EME1: variants seen among roughly 807,000 people sequenced by gnomAD.
The protein encoded by EME1 is structure-specific endonuclease subunit EME1.
Under a neutral mutation model 59.1 loss-of-function variants are expected in EME1, and 61 were observed. The observed-to-expected ratio is 1.03, with a 90% confidence interval of 0.84 to 1.28. EME1 has a LOEUF of 1.28. Ranked by LOEUF, EME1 falls within the 50% of genes most tolerant of loss-of-function variation. The pLI, the probability that EME1 is intolerant of heterozygous loss-of-function variation, is 0.00. For synonymous variants in EME1, 230 were observed against 254.2 expected (o/e 0.90, Z 0.90); for missense variants, 635 against 682.6 (o/e 0.93, Z 0.78).
In EME1 at chr17:50,375,909, C is replaced by T; in HGVS notation, c.701C>T (p.Ala234Val). The T allele has an allele frequency of 1.2e-6, 2 of 1,613,198 alleles. No individual in the cohort carries two copies. Among genetic ancestry groups the T allele is most frequent in the Non-Finnish European group, 1.7e-6 (2 of 1,179,652 alleles). Residue 234 changes from alanine to valine, a missense_variant, in exon 2 of 9, where the codon GCA becomes GTA. By Grantham distance (64) the Ala-to-Val change is moderately conservative. Coordinates refer to ENST00000338165, the MANE Select transcript of EME1 (RefSeq NM_152463.4). ...CTGAGAAGACAGGAAAGAAAGAATG[C>T]AGCACTGGTTACCAGGATGAAAGCC... The part of the protein sequence containing the change: ...STLRRQERKN[A>V]ALVTRMKAQR...
In EME1 at chr17:50,381,315, C is replaced by T. The variant is rs999499773; in HGVS notation, c.*376C>T. The T allele has an allele frequency of 1.4e-4, 30 of 217,012 alleles. No homozygotes were observed. The highest frequency in any genetic ancestry group is 5.2e-4 in the Admixed American group (10 of 19,366). 13.4% of individuals were successfully genotyped at this position (217,012 alleles called of 1,614,324 possible). Reference sequence around the variant, plus strand: ...AATCTTGAAGTCGTGAGTGAAGCTGCGGGTTGGCTTGACTGGGCTCAGCCA... The same window carrying T: ...AATCTTGAAGTCGTGAGTGAAGCTGTGGGTTGGCTTGACTGGGCTCAGCCA... On this transcript the variant is annotated 3_prime_UTR_variant, in exon 9 of 9. Coordinates refer to ENST00000338165, the MANE Select transcript of EME1 (RefSeq NM_152463.4).
At position 50,381,077 on chromosome 17, in the gene EME1, A is replaced by G; in HGVS notation, c.*138A>G. 2 of 918,038 alleles carry G rather than the reference A, an allele frequency of 2.2e-6. No individual in the cohort carries two copies. Among genetic ancestry groups the G allele is most frequent in the Non-Finnish European group, 3.2e-6 (2 of 619,230 alleles). 56.9% of individuals were successfully genotyped at this position (918,038 alleles called of 1,614,324 possible). A position where few individuals can be genotyped will look rare whatever the true frequency, so the allele number is the denominator to read the frequency against. Reference sequence around the variant, plus strand: ...GGCCCAGTCTTTCTTGGGTCTTATTATTTGTGAAGGTCTCTCTGCCTGTCG... The same window carrying G: ...GGCCCAGTCTTTCTTGGGTCTTATTGTTTGTGAAGGTCTCTCTGCCTGTCG... On this transcript the variant is annotated 3_prime_UTR_variant, in exon 9 of 9. Transcript: ENST00000338165.
rs757313570 is a variant in EME1 at position 50,380,472 on chromosome 17, G to A, written c.1507G>A (p.Ala503Thr). The change falls in exon 8 of 9, where the codon GCC (alanine) becomes ACC (threonine). Residue 503 changes from alanine to threonine, a missense_variant. Coordinates refer to ENST00000338165, the MANE Select transcript of EME1 (RefSeq NM_152463.4). ...SLEMASAVVNAYPSPQLLVQA... is the reference protein window; with the variant it reads ...SLEMASAVVNTYPSPQLLVQA... ...GGAAATGGCCAGTGCAGTTGTGAAT[G>A]CCTATCCCTCCCCACAGCTCCTGGT... 3 of 1,614,042 alleles carry A rather than the reference G, an allele frequency of 1.9e-6. No individual in the cohort carries two copies. Among genetic ancestry groups the A allele is most frequent in the Admixed American group, 1.7e-5 (1 of 60,020 alleles).
rs757118059 is a variant in EME1, at chr17:50,376,186, C to T, written c.896C>T (p.Pro299Leu). Reference protein sequence around the residue: ...CSVTWRRRAGPSEDREDWVEE... With the variant: ...CSVTWRRRAGLSEDREDWVEE... ...GTCACTTGGAGGAGAAGGGCTGGGC[C>T]GTCTGAGGTAGGAGTTTTCTGGCTG... The change falls in exon 3 of 9, where the codon CCG becomes CTG. Residue 299 changes from proline (P) to leucine (L), a missense_variant. Pro to Leu is a moderately conservative substitution (Grantham distance 98, BLOSUM62 -3). Coordinates refer to ENST00000338165, the MANE Select transcript of EME1 (RefSeq NM_152463.4). 13 of 1,612,732 alleles carry T rather than the reference C, an allele frequency of 8.1e-6. No individual in the cohort carries two copies. Among genetic ancestry groups the T allele is most frequent in the East Asian group, 2.2e-5 (1 of 44,874 alleles).
chr17:50,376,023 G>T (rs774536808), intron 2 of EME1, 40 bp downstream of exon 2: 1 of 1,607,776 alleles, frequency 6.2e-7, no homozygotes, highest in Non-Finnish European at 8.5e-7. Flanking sequence ...AGTTATCTGC[G>T]TTCTGGACCC....
At chr17:50,374,634 T>C (rs1242485665) in intron 1 of EME1, among the ~76,000 whole-genome samples, 1 of 152,028 alleles carries the variant, frequency 6.6e-6, no homozygotes, top group Non-Finnish European at 1.5e-5. Flanking sequence ...GGCGGATCAC[T>C]TGAGGTCAGG....
rs1567814648 is a variant in EME1 at position 50,375,295 on chromosome 17, A to AC, written c.89dup (p.Ser31IlefsTer9). 1 of 1,614,194 alleles carries AC rather than the reference A, an allele frequency of 6.2e-7. No homozygotes were observed. The highest frequency in any genetic ancestry group is 1.7e-5 in the Admixed American group (1 of 60,018). The stretch of plus-strand genomic sequence containing the variant: ...CAACATTTGCCTTTCTGAAGAAGGA[A>AC]CCATCTTCAACAAAGAGGAGACAGC... On this transcript the variant is annotated frameshift_variant, in exon 2 of 9. Coordinates refer to ENST00000338165, the MANE Select transcript of EME1 (RefSeq NM_152463.4). LOFTEE classifies it high-confidence loss of function.
In EME1 at chr17:50,381,192, C is replaced by G; in HGVS notation, c.*253C>G. 2.1e-6 allele frequency: 1 copy of G among 480,554 alleles called. No homozygotes were observed. Among genetic ancestry groups the G allele is most frequent in the Non-Finnish European group, 3.7e-6 (1 of 267,402 alleles). 29.8% of individuals were successfully genotyped at this position (480,554 alleles called of 1,614,324 possible). A position where few individuals can be genotyped will look rare whatever the true frequency, so the allele number is the denominator to read the frequency against. ...ATTCACTGCCACAGACAAACCACCC[C>G]CACTCCTACCCAGCCAGCCCTCAAA... On this transcript the variant is annotated 3_prime_UTR_variant, in exon 9 of 9. Transcript: ENST00000338165.
At position 50,375,361 on chromosome 17, in the gene EME1, T is replaced by G. The variant is rs143639554; in HGVS notation, c.153T>G (p.Asp51Glu). 1.9e-6 allele frequency: 3 copies of G among 1,614,064 alleles called. No homozygotes were observed. In the African/African-American group the frequency reaches 4.0e-5, roughly 22 times the overall value. ...AGATTGTAGTGGTTGACATCTCAGA[T>G]TGTGAAGCCTCCTGTCCTCCAGCAC... ...EEKIVVVDISDCEASCPPAPE... is the reference protein window; with the variant it reads ...EEKIVVVDISECEASCPPAPE... The change falls in exon 2 of 9, where the codon GAT (aspartate) becomes GAG (glutamate). Residue 51 changes from aspartate to glutamate, a missense_variant. Asp to Glu is a conservative substitution (Grantham distance 45). Transcript: ENST00000338165.
At chr17:50,374,983 G>T in intron 1 of EME1, 1 of 463,336 alleles carries the variant, frequency 2.2e-6, no homozygotes, top group Non-Finnish European at 3.8e-6. Flanking sequence ...ACTTCAGCTT[G>T]ACCTGGAAAG....
At chr17:50,378,386 T>TGTCTCTGAG (rs1246767436) in intron 3 of EME1, among the ~76,000 whole-genome samples, 6 of 152,204 alleles carry the variant, frequency 3.9e-5, no homozygotes, top group Non-Finnish European at 8.8e-5. Context: ...TCTTATTCAC[T>TGTCTCTGAG]GTCTCTGAGA....
rs200453992 is a variant in EME1, at chr17:50,378,672, T to C, written c.981T>C (p.Asn327=). 4.3e-4 allele frequency: 696 copies of C among 1,613,862 alleles called. 6 individuals carry two copies. In the East Asian group the frequency reaches 0.011, roughly 25 times the overall value. The change falls in exon 4 of 9, where the codon AAT becomes AAC. Residue 327 remains asparagine, a synonymous_variant. Transcript: ENST00000338165. ...RAEAFVSMID[N]GKQGSLDSTM... ...AGGCATTTGTGTCCATGATCGACAATGGAAAGCAGGTGGGCAGAGCCAGAG... is the reference window on the plus strand; with the variant it reads ...AGGCATTTGTGTCCATGATCGACAACGGAAAGCAGGTGGGCAGAGCCAGAG...
chr17:50,379,325 C>T, intron 6 of EME1, 101 bp downstream of exon 6: 1 of 1,591,438 alleles, frequency 6.3e-7, no homozygotes, highest in Non-Finnish European at 8.6e-7. Context: ...TGTTTTCTGC[C>T]TTGGCACTGA....
intron 7 of EME1, 25 bp downstream of exon 7, chr17:50,379,592 C>A: frequency 6.3e-7 from 1 of 1,591,164 alleles, no homozygotes; most frequent in Non-Finnish European, 8.6e-7. Context: ...CAAGTCCAGC[C>A]TCCATGCTGG....
intron 5 of EME1, 106 bp downstream of exon 5, chr17:50,379,001 C>T: frequency 1.4e-5 from 22 of 1,611,328 alleles, no homozygotes; most frequent in Non-Finnish European, 1.8e-5. Flanking sequence ...GCAAGGTAGT[C>T]CATCTCTAAC....
At chr17:50,380,676 C>A in intron 8 of EME1, 87 bp from the exon 9 acceptor site, 1 of 1,582,712 alleles carries the variant, frequency 6.3e-7, no homozygotes, top group South Asian at 1.1e-5. Context: ...GTTCTCATGC[C>A]CCAAGCCAAG....
At position 50,375,848 on chromosome 17, in the gene EME1, C is replaced by T. The variant is rs762960342; in HGVS notation, c.640C>T (p.Arg214Trp). The T allele has an allele frequency of 8.1e-6, 13 of 1,613,984 alleles. No homozygotes were observed. In the East Asian group the frequency reaches 1.1e-4, roughly 14 times the overall value. Reference sequence around the variant, plus strand: ...CCAGGGAAGAGGCTCACACGGATGCCGGCAGCAGAGACAAGCAAGGCAGAA... The same window carrying T: ...CCAGGGAAGAGGCTCACACGGATGCTGGCAGCAGAGACAAGCAAGGCAGAA... Reference protein sequence around the residue: ...KVQGRGSHGCRQQRQARQKES... With the variant: ...KVQGRGSHGCWQQRQARQKES... The change falls in exon 2 of 9, where the codon CGG becomes TGG. Residue 214 changes from arginine to tryptophan, a missense_variant. Coordinates refer to ENST00000338165, the MANE Select transcript of EME1 (RefSeq NM_152463.4).
Position 50,378,672 on chromosome 17 carries a change from T to A in EME1, c.981T>A (p.Asn327Lys), listed in dbSNP as rs200453992. 1 of 1,613,862 alleles carries A rather than the reference T, an allele frequency of 6.2e-7. No homozygotes were observed. The change falls in exon 4 of 9, where the codon AAT (asparagine) becomes AAA (lysine). Residue 327 changes from asparagine to lysine, a missense_variant. Asn to Lys is a moderately conservative substitution (Grantham distance 94). Transcript: ENST00000338165. ...AGGCATTTGTGTCCATGATCGACAA[T>A]GGAAAGCAGGTGGGCAGAGCCAGAG... ...RAEAFVSMID[N>K]GKQGSLDSTM...
chr17:50,378,472 C>T, intron 3 of EME1, 123 bp from the exon 4 acceptor site: 1 of 909,950 alleles, frequency 1.1e-6, no homozygotes, highest in Non-Finnish European at 1.8e-6. Context: ...GACTTCATTC[C>T]AGAAAGGATA....
Sources: allele counts gnomAD v4.1 joint callset (sites outside exome capture counted in the v4.1 genomes callset), GRCh38; gene constraint gnomAD v4.1.1; transcripts MANE v1.5; gene names NCBI Gene and HGNC (gene_info 2026-07-23, HGNC 2026-07-21).